KMT2C: variants seen among roughly 807,000 people sequenced by gnomAD.
KMT2C encodes the protein histone-lysine N-methyltransferase 2C.
Under a neutral mutation model 507.9 loss-of-function variants are expected in KMT2C, and 88 were observed. That is an observed-to-expected ratio of 0.17 (90% CI 0.15 to 0.21). KMT2C has a LOEUF of 0.21. Ranked by LOEUF, KMT2C falls within the 10% of genes least tolerant of loss-of-function variation. KMT2C has a pLI of 1.00. For synonymous variants in KMT2C, 2,049 were observed against 2,080.8 expected (o/e 0.98, Z 0.42); for missense variants, 4,954 against 5,957.8 (o/e 0.83, Z 5.55).
At position 152,163,408 on chromosome 7, in the gene KMT2C, G is replaced by A. The variant is rs1380777672; in HGVS notation, c.10169C>T (p.Pro3390Leu). The change falls in exon 43 of 59, where the codon CCC becomes CTC. Residue 3390 changes from proline to leucine, a missense_variant. Around this residue, in one of 29 missense-constraint regions of KMT2C, gnomAD observed 801 missense variants for 751.2 expected, o/e 1.07. Transcript: ENST00000262189. ...CCGTTCTTGAAAACTTTCACTAAAG[G>A]GATTGTTGTCATCAAATTCTACCCG... ...PPRVEFDDNN[P>L]FSESFQERER... The A allele has an allele frequency of 1.2e-6, 2 of 1,614,030 alleles. No individual in the cohort carries two copies. The highest frequency in any genetic ancestry group is 1.7e-6 in the Non-Finnish European group (2 of 1,180,046).
chr7:152,350,811 T>C (rs912935332), intron 2 of KMT2C, among the ~76,000 whole-genome samples: 1 of 152,242 alleles, frequency 6.6e-6, no homozygotes, highest in Non-Finnish European at 1.5e-5. Flanking sequence ...CTTAGCTTAC[T>C]GTAACATTTT....
At chr7:152,305,970 G>C (rs952182212) in intron 6 of KMT2C, among the ~76,000 whole-genome samples, 2 of 152,048 alleles carry the variant, frequency 1.3e-5, no homozygotes, top group Non-Finnish European at 2.9e-5. Context: ...CCCTCTCAGG[G>C]GATAGAGGTA....
intron 42 of KMT2C, among the ~76,000 whole-genome samples, chr7:152,165,770 C>T (rs898580336): frequency 1.3e-5 from 2 of 152,164 alleles, no homozygotes; most frequent in African/African-American, 4.8e-5. Flanking sequence ...CTCACTGCAG[C>T]CTCCACCTCC....
intron 50 of KMT2C, 146 bp from the exon 51 acceptor site, chr7:152,151,153 G>T: frequency 1.6e-6 from 1 of 640,214 alleles, no homozygotes; most frequent in South Asian, 2.1e-5. Context: ...CCAATATTTA[G>T]CATGTGATAA....
intron 1 of KMT2C, among the ~76,000 whole-genome samples, chr7:152,375,112 G>A (rs1020798199): frequency 2.0e-5 from 3 of 152,212 alleles, no homozygotes; most frequent in East Asian, 3.9e-4. Context: ...GCACAATCTC[G>A]GCTTACTGCA....
At chr7:152,222,239 G>C (rs771937492) in intron 21 of KMT2C, among the ~76,000 whole-genome samples, 173 bp from the exon 22 acceptor site, 1 of 152,062 alleles carries the variant, frequency 6.6e-6, no homozygotes, top group African/African-American at 2.4e-5. Flanking sequence ...AGTGATGAAG[G>C]AAATACTCAA....
At chr7:152,218,457 C>T (rs1336962304) in intron 23 of KMT2C, among the ~76,000 whole-genome samples, 1 of 152,170 alleles carries the variant, frequency 6.6e-6, no homozygotes, top group African/African-American at 2.4e-5. Flanking sequence ...AGGCATGAGC[C>T]ACCGAGCCCG....
chr7:152,160,519 G>A (rs532078424), intron 43 of KMT2C, among the ~76,000 whole-genome samples: 3 of 152,010 alleles, frequency 2.0e-5, no homozygotes, highest in East Asian at 3.9e-4. Context: ...GGTGTGTGGC[G>A]GGAGATTCTG....
chr7:152,274,363 G>GA (rs1234503892), intron 6 of KMT2C, among the ~76,000 whole-genome samples: 4 of 134,152 alleles, frequency 3.0e-5, no homozygotes, highest in South Asian at 2.4e-4. Flanking sequence ...AAGACTCACA[G>GA]AAAAAAACAC....
chr7:152,428,556 G>A (rs921787653), intron 1 of KMT2C, among the ~76,000 whole-genome samples: 3 of 148,898 alleles, frequency 2.0e-5, no homozygotes, highest in African/African-American at 5.0e-5. Flanking sequence ...ACTTGTACCC[G>A]GGAGGCAGAG....
chr7:152,362,075 G>C (rs1010469666), intron 1 of KMT2C, among the ~76,000 whole-genome samples: 1 of 152,026 alleles, frequency 6.6e-6, no homozygotes, highest in Non-Finnish European at 1.5e-5. Flanking sequence ...AGTGAGAAGA[G>C]ACAACAGTAA....
intron 1 of KMT2C, chr7:152,367,146 A>G: frequency 7.9e-7 from 1 of 1,273,582 alleles, no homozygotes; most frequent in Non-Finnish European, 1.1e-6. Context: ...CTAGCACTGG[A>G]GAAACGAGGA....
chr7:152,242,490 T>C (rs1252087381), intron 14 of KMT2C, among the ~76,000 whole-genome samples: 5 of 152,172 alleles, frequency 3.3e-5, no homozygotes, highest in African/African-American at 9.7e-5. Flanking sequence ...AAGTTGTAAA[T>C]AGAATCAACT....
At chr7:152,202,864 T>C (rs2094190216) in intron 26 of KMT2C, 70 bp downstream of exon 26, 2 of 1,263,818 alleles carry the variant, frequency 1.6e-6, no homozygotes, top group African/African-American at 3.0e-5. Context: ...CAAACCTATG[T>C]TTTAAAACTC....
intron 9 of KMT2C, among the ~76,000 whole-genome samples, chr7:152,253,641 C>G (rs766891997): frequency 7.9e-5 from 12 of 151,828 alleles, no homozygotes; most frequent in East Asian, 7.7e-4. Flanking sequence ...CTGCAGGGAG[C>G]TCACGCCACT....
intron 27 of KMT2C, among the ~76,000 whole-genome samples, chr7:152,197,982 T>C (rs2094014216): frequency 6.6e-6 from 1 of 152,138 alleles, no homozygotes; most frequent in African/African-American, 2.4e-5. Context: ...CTCTGTCCAA[T>C]TTCAATCCTT....
At chr7:152,166,240 G>C (rs533113546) in intron 42 of KMT2C, among the ~76,000 whole-genome samples, 10 of 150,932 alleles carry the variant, frequency 6.6e-5, no homozygotes, top group African/African-American at 2.2e-4. Context: ...TCCTGCCTCA[G>C]CCTCCCAAAT....
chr7:152,351,065 A>C (rs1469944584), intron 2 of KMT2C, among the ~76,000 whole-genome samples: 2 of 152,208 alleles, frequency 1.3e-5, no homozygotes, highest in Non-Finnish European at 2.9e-5. Context: ...GAAGGTCTTC[A>C]GCGACAATAA....
chr7:152,421,028 A>C (rs1459306732), intron 1 of KMT2C, among the ~76,000 whole-genome samples: 1 of 151,860 alleles, frequency 6.6e-6, no homozygotes, highest in African/African-American at 2.4e-5. Flanking sequence ...ATAAAAAAAT[A>C]GTTTATAATA....
Sources: allele counts gnomAD v4.1 joint callset (sites outside exome capture counted in the v4.1 genomes callset), GRCh38; gene constraint gnomAD v4.1.1; regional missense constraint gnomAD v4.1.1; transcripts MANE v1.5; gene names NCBI Gene and HGNC (gene_info 2026-07-23, HGNC 2026-07-21).